Variants in XRCC4 observed in about 807,000 individuals in gnomAD.
The protein encoded by XRCC4 is X-ray repair cross complementing 4.
In XRCC4, 28 loss-of-function variants were observed where a neutral mutation model predicts 39.1. That is an observed-to-expected ratio of 0.72 (90% CI 0.53 to 0.98). The LOEUF is 0.98. Ranked by LOEUF, XRCC4 falls within the 50% of genes least tolerant of loss-of-function variation. XRCC4 has a pLI of 0.00. For synonymous variants in XRCC4, 123 were observed against 126.4 expected, an observed-to-expected ratio of 0.97 and a Z score of 0.18; for missense variants, 350 against 376.4, an observed-to-expected ratio of 0.93 and a Z score of 0.58.
intron 7 of XRCC4, among the ~76,000 whole-genome samples, chr5:83,298,030 C>G (rs1755153054): frequency 6.6e-6 from 1 of 151,900 alleles, no homozygotes; most frequent in African/African-American, 2.4e-5. Flanking sequence ...TTTCTTTATG[C>G]CTCTGCCTTA....
chr5:83,208,850 C>T (rs1751521521), intron 6 of XRCC4, among the ~76,000 whole-genome samples: 1 of 152,000 alleles, frequency 6.6e-6, no homozygotes, highest in South Asian at 2.1e-4. Flanking sequence ...GATTGTATTA[C>T]TGACTTTATT....
At chr5:83,232,295 T>C (rs1243936968) in intron 6 of XRCC4, among the ~76,000 whole-genome samples, 1 of 152,094 alleles carries the variant, frequency 6.6e-6, no homozygotes, top group Non-Finnish European at 1.5e-5. Context: ...ACTGGCCTGT[T>C]TGTGAACCCC....
chr5:83,303,860 T>A (rs1304769577), intron 7 of XRCC4, among the ~76,000 whole-genome samples: 1 of 152,136 alleles, frequency 6.6e-6, no homozygotes, highest in Non-Finnish European at 1.5e-5. Flanking sequence ...ATTGACAATA[T>A]TTGTAGATGC....
chr5:83,139,083 C>T (rs1748038477), intron 3 of XRCC4, among the ~76,000 whole-genome samples: 1 of 152,088 alleles, frequency 6.6e-6, no homozygotes, highest in Non-Finnish European at 1.5e-5. Context: ...TTCAGTTTCA[C>T]CAGTTGTCCC....
intron 3 of XRCC4, among the ~76,000 whole-genome samples, chr5:83,129,530 G>C (rs868217217): frequency 6.6e-6 from 1 of 152,048 alleles, no homozygotes; most frequent in South Asian, 2.1e-4. Flanking sequence ...TTGCTAGCTT[G>C]GTGGGGATGG....
intron 1 of XRCC4, among the ~76,000 whole-genome samples, chr5:83,092,548 G>T (rs1463021008): frequency 6.6e-6 from 1 of 151,930 alleles, no homozygotes; most frequent in Non-Finnish European, 1.5e-5. Context: ...TTAGTACAGG[G>T]TTAAAGGACA....
chr5:83,121,834 G>C (rs906567234), intron 3 of XRCC4, among the ~76,000 whole-genome samples: 8 of 152,084 alleles, frequency 5.3e-5, no homozygotes, highest in Non-Finnish European at 2.9e-5. Context: ...TTTACATTTA[G>C]AGTCTGTGAT....
intron 7 of XRCC4, among the ~76,000 whole-genome samples, chr5:83,332,225 CTACA>C (rs1484942103): frequency 1.1e-5 from 1 of 88,448 alleles, no homozygotes; most frequent in African/African-American, 5.0e-5. Flanking sequence ...TTTCAATCTT[CTACA>C]CACACACACA....
intron 3 of XRCC4, among the ~76,000 whole-genome samples, chr5:83,148,810 T>C (rs1037612740): frequency 6.6e-6 from 1 of 151,814 alleles, no homozygotes; most frequent in Admixed American, 6.6e-5. Flanking sequence ...ATAATGATAA[T>C]AATAATAATA....
At chr5:83,361,617 A>C in the XRCC4 span, among the ~76,000 whole-genome samples, 79 of 143,274 alleles carry the variant, frequency 5.5e-4, no homozygotes, top group African/African-American at 1.4e-3. Flanking sequence ...ATTCTTTTTT[A>C]TTTTTCTTTT....
At chr5:83,145,614 T>G (rs1386311356) in intron 3 of XRCC4, among the ~76,000 whole-genome samples, 1 of 152,218 alleles carries the variant, frequency 6.6e-6, no homozygotes. Context: ...CCATAGGATT[T>G]AGAGCTTCTC....
chr5:83,260,327 A>G (rs1317386776), intron 7 of XRCC4, among the ~76,000 whole-genome samples: 16 of 152,124 alleles, frequency 1.1e-4, no homozygotes, highest in Admixed American at 9.8e-4. Context: ...TCATTCAGTC[A>G]ATTAGTAGAC....
intron 3 of XRCC4, among the ~76,000 whole-genome samples, chr5:83,169,642 T>C (rs191382016): frequency 9.8e-5 from 15 of 152,288 alleles, no homozygotes; most frequent in African/African-American, 3.6e-4. Context: ...ACATTTTTCT[T>C]CTCTAAATTT....
At position 83,222,033 on chromosome 5, in the gene XRCC4, T is replaced by C. The variant is rs1252977723; in HGVS notation, c.745+17112T>C. On this transcript the variant is annotated intron_variant, in intron 6 of 7. Coordinates refer to ENST00000396027, the MANE Select transcript of XRCC4 (RefSeq NM_003401.5). ...GGTGTTTACATGGTTTATCTTTTAA[T>C]TTTTTTTACCATTATTCTTTCAATC... Among the ~76,000 whole-genome samples, 5 of 151,864 alleles carry C rather than the reference T, an allele frequency of 3.3e-5. No homozygotes were observed. The South Asian group carries it at 8.3e-4, about 25-fold the overall frequency.
Position 83,196,046 on chromosome 5 carries a change from T to C in XRCC4, c.482+110T>C, listed in dbSNP as rs984134833. On this transcript the variant is annotated intron_variant, in intron 4 of 7. Transcript: ENST00000396027. ...CAATATATGTGGATTAGCACATATA[T>C]ATTTACCTTAACTGAATATGATTAA... The C allele has an allele frequency of 1.9e-5, 22 of 1,138,338 alleles. 1 individual carries two copies. The African/African-American group carries it at 3.3e-4, about 17-fold the overall frequency. The allele number at this position is 1,138,338 out of a possible 1,614,324, so 70.5% of individuals were successfully genotyped here. A position where few individuals can be genotyped will look rare whatever the true frequency, so the allele number is the denominator to read the frequency against.
chr5:83,372,702 CA>C, the XRCC4 span, among the ~76,000 whole-genome samples: 2 of 152,274 alleles, frequency 1.3e-5, no homozygotes, highest in Admixed American at 1.3e-4. Context: ...TGTATTTTCT[CA>C]ATCTACAGAC....
intron 1 of XRCC4, among the ~76,000 whole-genome samples, chr5:83,083,767 T>C (rs1745064334): frequency 6.6e-6 from 1 of 152,222 alleles, no homozygotes; most frequent in African/African-American, 2.4e-5. Context: ...TATCATGCTA[T>C]TTCTTGCCTC....
intron 7 of XRCC4, among the ~76,000 whole-genome samples, chr5:83,285,554 CTTG>C (rs1222209694): frequency 2.0e-5 from 3 of 152,020 alleles, no homozygotes; most frequent in Admixed American, 6.6e-5. Flanking sequence ...TATTTTATGT[CTTG>C]TTGTAACCTA....
chr5:83,222,642 AGTTTTTCC>A (rs1752129554), intron 6 of XRCC4, among the ~76,000 whole-genome samples: 1 of 152,086 alleles, frequency 6.6e-6, no homozygotes, highest in South Asian at 2.1e-4. Flanking sequence ...CAGTTCACAG[AGTTTTTCC>A]TGTTATTAAT....
Sources: allele counts gnomAD v4.1 joint callset (sites outside exome capture counted in the v4.1 genomes callset), GRCh38; gene constraint gnomAD v4.1.1; transcripts MANE v1.5; gene names NCBI Gene and HGNC (gene_info 2026-07-23, HGNC 2026-07-21).